Variants in SUFU observed in about 807,000 individuals in gnomAD.
The protein encoded by SUFU is suppressor of fused homolog.
SUFU carries 7 observed loss-of-function variants against 58.9 expected under a neutral mutation model. The observed-to-expected ratio is 0.12, with a 90% CI of 0.07 to 0.22. The LOEUF (loss-of-function observed/expected upper bound fraction) is 0.22. Among genes scored for constraint, SUFU ranks in the 10% least tolerant of loss-of-function variants. The pLI is 1.00. For missense variants in SUFU, 451 were observed against 641.3 expected (o/e 0.70, Z 3.20); for synonymous variants, 232 against 254.8 (o/e 0.91, Z 0.85).
At chr10:102,589,442 C>CGTTTTTTTTTTTTTTTTTTTTTTT (rs2063371589) in intron 3 of SUFU, among the ~76,000 whole-genome samples, 1 of 65,358 alleles carries the variant, frequency 1.5e-5, no homozygotes, top group Non-Finnish European at 2.6e-5. Flanking sequence ...TTCTTTCTTT[C>CGTTTTTTTTTTTTTTTTTTTTTTT]TTTTTTTTTT....
chr10:102,617,806 C>T lies in SUFU; in HGVS notation c.1296+378C>T. Reference sequence around the variant, plus strand: ...AAGATGGGAGGATGTGTGGAGGCCACTCTCCAATGGCTACATGGAAATCCC... The same window carrying T: ...AAGATGGGAGGATGTGTGGAGGCCATTCTCCAATGGCTACATGGAAATCCC... On this transcript the variant is annotated intron_variant, in intron 10 of 11. Coordinates refer to ENST00000369902, the MANE Select transcript of SUFU (RefSeq NM_016169.4). The surrounding 1 kb of genome is among the most constrained non-coding windows in gnomAD (Gnocchi z 4.4). 1 of 498,656 alleles carries T rather than the reference C, an allele frequency of 2.0e-6. No homozygotes were observed. The highest frequency in any genetic ancestry group is 3.1e-5 in the East Asian group (1 of 31,928). The allele number at this position is 498,656 out of a possible 1,614,324, so 30.9% of individuals were successfully genotyped here.
At chr10:102,580,458 C>G (rs768902251) in intron 3 of SUFU, among the ~76,000 whole-genome samples, 5 of 152,054 alleles carry the variant, frequency 3.3e-5, no homozygotes, top group African/African-American at 1.2e-4. Flanking sequence ...GTGGGTCTTG[C>G]GTCATTACTC....
At chr10:102,506,039 G>GAAAAA (rs1170831161) in intron 1 of SUFU, among the ~76,000 whole-genome samples, 2 of 84,204 alleles carry the variant, frequency 2.4e-5, no homozygotes, top group Non-Finnish European at 2.4e-5. Context: ...TCTGTTATTT[G>GAAAAA]AAAAAAAAAA....
Position 102,633,406 on chromosome 10 carries a change from GC to G in SUFU, c.*3256del, listed in dbSNP as rs1306008484. 2 of 232,948 alleles carry G rather than the reference GC, an allele frequency of 8.6e-6. No individual in the cohort carries two copies. The highest frequency in any genetic ancestry group is 1.2e-3 in the Middle Eastern group (1 of 802). The allele number at this position is 232,948 out of a possible 1,614,324, so 14.4% of individuals were successfully genotyped here. A position where few individuals can be genotyped will look rare whatever the true frequency, so the allele number is the denominator to read the frequency against. On this transcript the variant is annotated 3_prime_UTR_variant, in exon 12 of 12. Transcript: ENST00000369902. ...CTCACTTAGATGTCGTTTCCTTCTT[GC>G]CCCCTCTTCCTCTCTGTAATCTAAG...
chr10:102,561,035 G>T (rs1227219121), intron 3 of SUFU, among the ~76,000 whole-genome samples: 3 of 152,066 alleles, frequency 2.0e-5, no homozygotes, highest in African/African-American at 7.2e-5. Context: ...TAGAGACGGG[G>T]TTTCACCGTG....
chr10:102,558,928 T>C (rs1281930717), intron 3 of SUFU, among the ~76,000 whole-genome samples: 1 of 152,198 alleles, frequency 6.6e-6, no homozygotes, highest in Non-Finnish European at 1.5e-5. Context: ...GGCCTAACAA[T>C]AAGGGCACTT....
Position 102,517,336 on chromosome 10 carries a change from G to A in SUFU, c.317+8033G>A, listed in dbSNP as rs75174967. On this transcript the variant is annotated intron_variant, in intron 2 of 11. Transcript: ENST00000369902. ...AACAAACAAAAAGAACAACTGAGTG[G>A]TGTGGTATTGTAAGTGACTACCAGG... Among the ~76,000 whole-genome samples the A allele has an allele frequency of 0.01, 1,564 of 152,066 alleles. 101 individuals are homozygous for A. In the East Asian group the frequency reaches 0.16, roughly 16 times the overall value.
chr10:102,521,254 CAT>C (rs965759954), intron 2 of SUFU, among the ~76,000 whole-genome samples: 1 of 152,162 alleles, frequency 6.6e-6, no homozygotes, highest in Non-Finnish European at 1.5e-5. Flanking sequence ...GCTTGTCTGT[CAT>C]CTGTATATCT....
intron 8 of SUFU, among the ~76,000 whole-genome samples, chr10:102,600,012 C>T (rs915172271): frequency 3.3e-5 from 5 of 152,154 alleles, no homozygotes; most frequent in Non-Finnish European, 5.9e-5. Context: ...CTTCTTCCTG[C>T]CTCTCTTCCC....
At chr10:102,507,130 G>A (rs1450739421) in intron 1 of SUFU, among the ~76,000 whole-genome samples, 1 of 152,182 alleles carries the variant, frequency 6.6e-6, no homozygotes, top group African/African-American at 2.4e-5. Flanking sequence ...CTGTGCTTGG[G>A]GACAGGGTTA....
intron 6 of SUFU, among the ~76,000 whole-genome samples, chr10:102,596,694 C>G (rs1184629673): frequency 1.3e-5 from 2 of 152,172 alleles, no homozygotes; most frequent in African/African-American, 4.8e-5. Flanking sequence ...AGGCTTCCAC[C>G]CTGTTTTCTA....
rs2063813049 is a variant in SUFU at position 102,628,972 on chromosome 10, A to G, written c.1366-1094A>G. ...GGAATTTGAGACCAGCCTGACCAAC[A>G]TGGAGAAAACCCATCTCTACTAATA... On this transcript the variant is annotated intron_variant, in intron 11 of 11. Coordinates refer to ENST00000369902, the MANE Select transcript of SUFU (RefSeq NM_016169.4). The surrounding 1 kb of genome is among the most constrained non-coding windows in gnomAD (Gnocchi z 4.5). Among the ~76,000 whole-genome samples, 1 of 152,174 alleles carries G rather than the reference A, an allele frequency of 6.6e-6. No individual in the cohort carries two copies.
intron 6 of SUFU, among the ~76,000 whole-genome samples, chr10:102,596,112 G>A (rs2063459469): frequency 6.6e-6 from 1 of 152,176 alleles, no homozygotes; most frequent in African/African-American, 2.4e-5. Context: ...CTTGAAAGGA[G>A]GAGATGACTG....
chr10:102,505,815 G>C (rs2062318151), intron 1 of SUFU, among the ~76,000 whole-genome samples: 1 of 152,184 alleles, frequency 6.6e-6, no homozygotes, highest in Non-Finnish European at 1.5e-5. Flanking sequence ...CTTCTGAGTG[G>C]AAAGCAGCTC....
In SUFU at chr10:102,625,652, A is replaced by G. The variant is rs2063779184; in HGVS notation, c.1297-1523A>G. 6.6e-6 allele frequency among the ~76,000 whole-genome samples: 1 copy of G among 152,190 alleles called. No individual in the cohort carries two copies. The highest frequency in any genetic ancestry group is 2.1e-4 in the South Asian group (1 of 4,834). On this transcript the variant is annotated intron_variant, in intron 10 of 11. Transcript: ENST00000369902. The surrounding 1 kb of genome is among the most constrained non-coding windows in gnomAD (Gnocchi z 4.7). The stretch of plus-strand genomic sequence containing the variant: ...ACCACTCACAAGCCGTGTGACACTG[A>G]GCAAATTACATAACCTGCCTGTGCC...
intron 1 of SUFU, among the ~76,000 whole-genome samples, chr10:102,504,799 G>T (rs999812061): frequency 1.3e-5 from 2 of 151,524 alleles, no homozygotes; most frequent in Admixed American, 6.6e-5. Flanking sequence ...TAGAATGGGG[G>T]GTTCGGGGGG....
chr10:102,605,712 C>A (rs1431923731), intron 8 of SUFU, among the ~76,000 whole-genome samples: 1 of 134,724 alleles, frequency 7.4e-6, no homozygotes, highest in Non-Finnish European at 1.7e-5. Flanking sequence ...TAAAGGGAGA[C>A]CTGCAGGTGG....
At chr10:102,526,405 TAGTC>T (rs1216808226) in intron 2 of SUFU, among the ~76,000 whole-genome samples, 2 of 150,594 alleles carry the variant, frequency 1.3e-5, no homozygotes, top group East Asian at 4.0e-4. Context: ...ATACAAAAAT[TAGTC>T]AGGCATGGTG....
chr10:102,598,744 ATC>A (rs1275598545), intron 7 of SUFU, among the ~76,000 whole-genome samples: 1 of 152,192 alleles, frequency 6.6e-6, no homozygotes, highest in Non-Finnish European at 1.5e-5. Flanking sequence ...GCTTTTTTGT[ATC>A]TGTTTACAGT....
Sources: gnomAD v4.1 joint callset for allele counts (sites outside exome capture counted in the v4.1 genomes callset) on GRCh38, gnomAD v4.1.1 for gene constraint, Gnocchi (gnomAD v3.1) non-coding constraint, MANE v1.5 for transcripts, NCBI Gene and HGNC (gene_info 2026-07-23, HGNC 2026-07-21) for gene names.